Variants in CLSTN2 observed in about 807,000 individuals in gnomAD.
The protein encoded by CLSTN2 is calsyntenin 2.
In CLSTN2, 48 loss-of-function variants were observed where a neutral mutation model predicts 101.2. The observed-to-expected ratio is 0.47, with a 90% CI of 0.38 to 0.60. The LOEUF (loss-of-function observed/expected upper bound fraction) is 0.60. Ranked by LOEUF, CLSTN2 falls within the 20% of genes least tolerant of loss-of-function variation. The pLI is 0.00. For missense variants in CLSTN2, 1,160 were observed against 1,238.2 expected (o/e 0.94, Z 0.95); for synonymous variants, 481 against 463.6 (o/e 1.04, Z -0.48).
At chr3:139,965,091 T>C (rs1346042442) in intron 1 of CLSTN2, among the ~76,000 whole-genome samples, 1 of 152,240 alleles carries the variant, frequency 6.6e-6, no homozygotes, top group Non-Finnish European at 1.5e-5. Context: ...CACCCTCTCT[T>C]GGCCCCACGA....
At chr3:140,216,225 T>G in intron 2 of CLSTN2, among the ~76,000 whole-genome samples, 1 of 148,914 alleles carries the variant, frequency 6.7e-6, no homozygotes, top group South Asian at 2.2e-4. Flanking sequence ...CCCACCCCCA[T>G]CCATGGAAAA....
chr3:139,969,836 C>T (rs1282781846), intron 1 of CLSTN2, among the ~76,000 whole-genome samples: 1 of 152,142 alleles, frequency 6.6e-6, no homozygotes, highest in African/African-American at 2.4e-5. Flanking sequence ...CTCTTAAACC[C>T]TGTACCCCTT....
intron 2 of CLSTN2, among the ~76,000 whole-genome samples, chr3:140,315,961 G>A (rs1372014149): frequency 6.6e-6 from 1 of 152,154 alleles, no homozygotes; most frequent in African/African-American, 2.4e-5. Flanking sequence ...GGAGCTTAGT[G>A]GAAGGAGAAG....
At chr3:140,136,625 T>C (rs532092734) in intron 1 of CLSTN2, among the ~76,000 whole-genome samples, 3 of 152,206 alleles carry the variant, frequency 2.0e-5, no homozygotes, top group Non-Finnish European at 4.4e-5. Flanking sequence ...ATGCTGTTTT[T>C]ATTAACCATC....
intron 2 of CLSTN2, among the ~76,000 whole-genome samples, chr3:140,192,579 A>C (rs1312197251): frequency 1.3e-5 from 2 of 150,084 alleles, no homozygotes; most frequent in East Asian, 2.0e-4. Context: ...TTTTTTTTTT[A>C]CTCTGAAGTT....
At chr3:140,382,437 G>T (rs777838131) in intron 2 of CLSTN2, among the ~76,000 whole-genome samples, 4 of 152,196 alleles carry the variant, frequency 2.6e-5, no homozygotes, top group Non-Finnish European at 5.9e-5. Context: ...CAGGGAAAAT[G>T]AAAGGTTTAT....
At chr3:140,460,140 C>A in intron 7 of CLSTN2, 1 of 254,732 alleles carries the variant, frequency 3.9e-6, no homozygotes, top group South Asian at 5.5e-5. Context: ...AGAAGCTCCA[C>A]CTTTACTGTA....
At chr3:140,059,698 A>C (rs1304352494) in intron 1 of CLSTN2, among the ~76,000 whole-genome samples, 3 of 152,112 alleles carry the variant, frequency 2.0e-5, no homozygotes, top group African/African-American at 4.8e-5. Context: ...TAAGACACCC[A>C]CTTGGAAGCA....
Position 140,564,054 on chromosome 3 carries a change from A to C in CLSTN2, c.2576A>C (p.His859Pro), listed in dbSNP as rs748350704. 1.2e-5 allele frequency: 20 copies of C among 1,614,108 alleles called. No individual in the cohort carries two copies. In the South Asian group the frequency reaches 2.0e-4, roughly 16 times the overall value. ...GGTGTGTACCGGGTCCGGATCGCCC[A>C]CCAGCACTTCATCCAGGAGACTGAG... Reference protein sequence around the residue: ...AMGVYRVRIAHQHFIQETEAA... With the variant: ...AMGVYRVRIAPQHFIQETEAA... Residue 859 changes from histidine to proline, a missense_variant, in exon 16 of 17, where the codon CAC (histidine) becomes CCC (proline). Coordinates refer to ENST00000458420, the MANE Select transcript of CLSTN2 (RefSeq NM_022131.3).
At chr3:140,059,577 A>G (rs58717346) in intron 1 of CLSTN2, among the ~76,000 whole-genome samples, 2,768 of 152,134 alleles carry the variant, frequency 0.018, 94 homozygotes, top group African/African-American at 0.063. Context: ...CTCAACCATC[A>G]GCTTGCTCAG....
chr3:140,549,495 T>G (rs1241564264), intron 10 of CLSTN2, among the ~76,000 whole-genome samples: 5 of 150,838 alleles, frequency 3.3e-5, no homozygotes. Flanking sequence ...GTGTGAGAAG[T>G]TAATAAGACG....
chr3:140,399,864 G>C (rs1398941770), intron 2 of CLSTN2, among the ~76,000 whole-genome samples: 1 of 151,654 alleles, frequency 6.6e-6, no homozygotes, highest in Non-Finnish European at 1.5e-5. Context: ...TTGCCTCCCT[G>C]CCTCCCTCCC....
chr3:140,404,887 C>G, intron 4 of CLSTN2, 121 bp downstream of exon 4: 7 of 826,408 alleles, frequency 8.5e-6, no homozygotes, highest in African/African-American at 1.7e-5. Flanking sequence ...CATGTTTGGT[C>G]TAAGCTCCAT....
intron 2 of CLSTN2, among the ~76,000 whole-genome samples, chr3:140,400,962 C>T (rs1031059596): frequency 6.6e-6 from 1 of 152,250 alleles, no homozygotes; most frequent in East Asian, 1.9e-4. Context: ...ACATAGCTCT[C>T]CTTCAGTGTA....
chr3:140,424,403 C>T (rs1262372348), intron 5 of CLSTN2, among the ~76,000 whole-genome samples: 1 of 152,174 alleles, frequency 6.6e-6, no homozygotes, highest in Non-Finnish European at 1.5e-5. Flanking sequence ...TCTCCTCCTC[C>T]CAGCCTACTG....
intron 2 of CLSTN2, among the ~76,000 whole-genome samples, chr3:140,353,848 C>T (rs1334282636): frequency 2.0e-5 from 3 of 152,174 alleles, no homozygotes; most frequent in Non-Finnish European, 4.4e-5. Context: ...TGTTGTCCAT[C>T]TTTTCCTGGG....
intron 1 of CLSTN2, among the ~76,000 whole-genome samples, chr3:140,124,922 G>T (rs766758837): frequency 2.6e-5 from 4 of 152,170 alleles, no homozygotes; most frequent in Non-Finnish European, 5.9e-5. Flanking sequence ...CAACAAAGGA[G>T]ACAGGGGCTA....
chr3:140,149,204 T>C (rs575159778), intron 1 of CLSTN2, among the ~76,000 whole-genome samples: 1 of 152,280 alleles, frequency 6.6e-6, no homozygotes, highest in East Asian at 1.9e-4. Flanking sequence ...CAGTAACTCC[T>C]TGAGAGTGAA....
intron 1 of CLSTN2, among the ~76,000 whole-genome samples, chr3:140,042,562 T>G (rs781019585): frequency 2.0e-4 from 30 of 152,186 alleles, no homozygotes; most frequent in Non-Finnish European, 3.8e-4. Context: ...CTAGGGTACA[T>G]GTGCACAATG....
Sources: gnomAD v4.1 joint callset for allele counts (sites outside exome capture counted in the v4.1 genomes callset) on GRCh38, gnomAD v4.1.1 for gene constraint, MANE v1.5 for transcripts, NCBI Gene and HGNC (gene_info 2026-07-23, HGNC 2026-07-21) for gene names.